IRAK3: variants seen among roughly 807,000 people sequenced by gnomAD.
IRAK3 encodes interleukin-1 receptor-associated kinase 3.
In IRAK3, 57 loss-of-function variants were observed where a neutral mutation model predicts 56.6. The observed-to-expected ratio is 1.01, with a 90% CI of 0.81 to 1.26. The LOEUF is 1.26. Ranked by LOEUF, IRAK3 falls within the 50% of genes most tolerant of loss-of-function variation. The pLI is 0.00. For missense variants in IRAK3, 703 were observed against 719.0 expected, an observed-to-expected ratio of 0.98 and a Z score of 0.25; for synonymous variants, 258 against 255.7, an observed-to-expected ratio of 1.01 and a Z score of -0.09.
intron 8 of IRAK3, among the ~76,000 whole-genome samples, chr12:66,240,670 C>T (rs570358002): frequency 1.3e-5 from 2 of 151,970 alleles, no homozygotes; most frequent in South Asian, 2.1e-4. Context: ...CCAGAGGGGC[C>T]GTTGGGTCCT....
At chr12:66,210,932 T>C (rs1351447805) in intron 4 of IRAK3, among the ~76,000 whole-genome samples, 1 of 152,222 alleles carries the variant, frequency 6.6e-6, no homozygotes, top group Non-Finnish European at 1.5e-5. Flanking sequence ...GCATGTTTTC[T>C]CCCAATCTCC....
intron 5 of IRAK3, among the ~76,000 whole-genome samples, chr12:66,216,065 G>T (rs990998582): frequency 6.6e-6 from 1 of 152,018 alleles, no homozygotes; most frequent in African/African-American, 2.4e-5. Context: ...GCCATTTCTC[G>T]GCAGCTCCTA....
rs772870648 is a variant in IRAK3, at chr12:66,203,733, G to C, written c.156G>C (p.Trp52Cys). The change falls in exon 2 of 12, where the codon TGG (tryptophan) becomes TGC (cysteine). Residue 52 changes from tryptophan to cysteine, a missense_variant. Transcript: ENST00000261233. ...RGLAERLSSS[W>C]LDVRHIEKYV... ...CAGCAGAGAGACTTTCAAGCAGCTG[G>C]CTGGATGTTCGTCATATTGAAAAGT... The C allele has an allele frequency of 1.2e-6, 2 of 1,614,066 alleles. No individual in the cohort carries two copies. The highest frequency in any genetic ancestry group is 1.7e-6 in the Non-Finnish European group (2 of 1,179,982).
chr12:66,213,017 C>T (rs1592584901), intron 5 of IRAK3, among the ~76,000 whole-genome samples: 1 of 151,580 alleles, frequency 6.6e-6, no homozygotes, highest in African/African-American at 2.4e-5. Flanking sequence ...CCTGCATGTT[C>T]AGCACATGTA....
chr12:66,196,911 CT>C, intron 1 of IRAK3: 1 of 1,534,102 alleles, frequency 6.5e-7, no homozygotes, highest in Non-Finnish European at 8.7e-7. Flanking sequence ...AGAATGGAGT[CT>C]TAATTTTGCA....
At chr12:66,200,678 G>A (rs975160300) in intron 1 of IRAK3, among the ~76,000 whole-genome samples, 5 of 152,114 alleles carry the variant, frequency 3.3e-5, no homozygotes, top group South Asian at 2.1e-4. Flanking sequence ...CTTATACAAC[G>A]AAAAATTGGG....
At chr12:66,202,021 T>G (rs1327743131) in intron 1 of IRAK3, among the ~76,000 whole-genome samples, 2 of 152,244 alleles carry the variant, frequency 1.3e-5, no homozygotes, top group African/African-American at 4.8e-5. Context: ...CACAGGGGTA[T>G]GGGTTGGCAA....
Position 66,245,219 on chromosome 12 carries a change from G to A in IRAK3, c.1271G>A (p.Arg424Gln), listed in dbSNP as rs200460084. 173 of 1,613,974 alleles carry A rather than the reference G, an allele frequency of 1.1e-4. No homozygotes were observed. The highest frequency in any genetic ancestry group is 1.3e-4 in the Non-Finnish European group (152 of 1,180,028). Residue 424 changes from arginine (R) to glutamine (Q), a missense_variant, in exon 11 of 12, where the codon CGG becomes CAG. Transcript: ENST00000261233. ...FSAKLFCLAGRCAATRAKLRP... is the reference protein window; with the variant it reads ...FSAKLFCLAGQCAATRAKLRP... ...GCCAAGCTCTTCTGTTTGGCAGGCC[G>A]GTGTGCTGCAACGCGGGCAAAGTTA...
At chr12:66,195,287 A>G (rs1298632345) in intron 1 of IRAK3, among the ~76,000 whole-genome samples, 1 of 152,048 alleles carries the variant, frequency 6.6e-6, no homozygotes, top group Admixed American at 6.6e-5. Flanking sequence ...CTTGGCACCA[A>G]CCACCATCGG....
Position 66,249,527 on chromosome 12 carries a change from A to T in IRAK3, c.*1356A>T, listed in dbSNP as rs2053074957. ...TTTTCTATTGTTTTTGTAACACATT[A>T]TCACAAATTTAGTGACTTAAAGTAA... On this transcript the variant is annotated 3_prime_UTR_variant, in exon 12 of 12. Transcript: ENST00000261233. 6.6e-6 allele frequency: 1 copy of T among 152,338 alleles called. No individual in the cohort carries two copies. Among genetic ancestry groups the T allele is most frequent in the African/African-American group, 2.4e-5 (1 of 41,576 alleles). The allele number at this position is 152,338 out of a possible 1,614,324, so 9.4% of individuals were successfully genotyped here.
chr12:66,212,037 GGAA>G, intron 5 of IRAK3, among the ~76,000 whole-genome samples: 1 of 151,768 alleles, frequency 6.6e-6, no homozygotes, highest in South Asian at 2.1e-4. Flanking sequence ...CTTGAGCACA[GGAA>G]GAAGAGGCTG....
At position 66,239,279 on chromosome 12, in the gene IRAK3, G is replaced by C. The variant is rs1009936784; in HGVS notation, c.888-5207G>C. On this transcript the variant is annotated intron_variant, in intron 8 of 11. Transcript: ENST00000261233. ...GGTCTAGGAAAGAAACAAAGAAGAA[G>C]CCATTTGCTTCAAAATGGACTTTTT... Among the ~76,000 whole-genome samples the C allele has an allele frequency of 2.9e-4, 43 of 147,888 alleles. 1 individual carries two copies. Among genetic ancestry groups the C allele is most frequent in the Non-Finnish European group, 1.5e-5 (1 of 67,480 alleles).
intron 8 of IRAK3, chr12:66,234,464 A>C (rs1341373781): frequency 6.2e-7 from 1 of 1,611,380 alleles, no homozygotes; most frequent in Non-Finnish European, 8.5e-7. Flanking sequence ...GTTTGTAGCA[A>C]TACTGTATGG....
intron 5 of IRAK3, among the ~76,000 whole-genome samples, chr12:66,214,059 G>T (rs925352250): frequency 6.6e-6 from 1 of 152,194 alleles, no homozygotes; most frequent in Non-Finnish European, 1.5e-5. Context: ...TCAGTGCAGC[G>T]GACTGGGTGT....
At position 66,253,451 on chromosome 12, in the gene IRAK3, A is replaced by G. The variant is rs906159170; in HGVS notation, c.*5280A>G. On this transcript the variant is annotated 3_prime_UTR_variant, in exon 12 of 12. Transcript: ENST00000261233. ...TGTCTTCCCGTTCCAAATCATTTAT[A>G]TATACTTGATGGTCTGTGGGCTTGA... is the stretch of plus-strand genomic sequence containing the variant. 2.0e-5 allele frequency: 3 copies of G among 152,178 alleles called. No homozygotes were observed. Among genetic ancestry groups the G allele is most frequent in the Admixed American group, 6.5e-5 (1 of 15,274 alleles). The allele number at this position is 152,178 out of a possible 1,614,324, so 9.4% of individuals were successfully genotyped here.
chr12:66,243,402 A>G (rs1260220491), intron 8 of IRAK3, among the ~76,000 whole-genome samples: 7 of 152,228 alleles, frequency 4.6e-5, no homozygotes, highest in Non-Finnish European at 8.8e-5. Context: ...ATGTCGTACT[A>G]CAAATATGCC....
At chr12:66,192,255 T>C (rs1035737374) in intron 1 of IRAK3, among the ~76,000 whole-genome samples, 9 of 152,270 alleles carry the variant, frequency 5.9e-5, no homozygotes, top group Non-Finnish European at 1.0e-4. Flanking sequence ...TTTTTAAACA[T>C]ATTCTACATA....
chr12:66,234,762 C>G, intron 8 of IRAK3: 1 of 1,593,194 alleles, frequency 6.3e-7, no homozygotes, highest in Non-Finnish European at 8.6e-7. Flanking sequence ...CGACTTGTAC[C>G]ACTGGCATCA....
intron 1 of IRAK3, among the ~76,000 whole-genome samples, chr12:66,195,980 A>ACCC (rs60733154): frequency 2.1e-5 from 3 of 142,030 alleles, no homozygotes; most frequent in East Asian, 4.3e-4. Context: ...TAAAATTGAC[A>ACCC]CCCCCCCCCA....
Sources: allele counts gnomAD v4.1 joint callset (sites outside exome capture counted in the v4.1 genomes callset), GRCh38; gene constraint gnomAD v4.1.1; transcripts MANE v1.5; gene names NCBI Gene and HGNC (gene_info 2026-07-23, HGNC 2026-07-21).